Variants in FOXP2 observed in about 807,000 individuals in gnomAD.
FOXP2 encodes the protein forkhead box protein P2.
In FOXP2, 12 loss-of-function variants were observed where a neutral mutation model predicts 115.8. The observed-to-expected ratio is 0.10, with a 90% confidence interval of 0.07 to 0.17. The LOEUF (loss-of-function observed/expected upper bound fraction) is 0.17, where lower values mean the gene tolerates loss of function less well. Ranked by LOEUF, FOXP2 falls within the 10% of genes least tolerant of loss-of-function variation. The pLI is 1.00. For synonymous variants in FOXP2, 328 were observed against 297.7 expected (o/e 1.10, Z -1.05); for missense variants, 629 against 843.5 (o/e 0.75, Z 3.15).
At chr7:114,306,353 A>C (rs1022071255) in intron 2 of FOXP2, among the ~76,000 whole-genome samples, 1 of 152,270 alleles carries the variant, frequency 6.6e-6, no homozygotes, top group Non-Finnish European at 1.5e-5. Flanking sequence ...GTGCACACAC[A>C]GGATATTCAT....
intron 2 of FOXP2, among the ~76,000 whole-genome samples, chr7:114,491,568 TG>T (rs1797056042): frequency 6.6e-6 from 1 of 152,126 alleles, no homozygotes; most frequent in Admixed American, 6.6e-5. Flanking sequence ...GTTTTAGACA[TG>T]AAGTCCTTGC....
At chr7:114,140,317 G>A (rs764875672) in intron 1 of FOXP2, among the ~76,000 whole-genome samples, 27 of 151,984 alleles carry the variant, frequency 1.8e-4, no homozygotes, top group Non-Finnish European at 3.5e-4. Context: ...CCAAGTAGAG[G>A]TGATGCTAAT....
At chr7:114,459,881 T>C (rs765956235) in intron 2 of FOXP2, among the ~76,000 whole-genome samples, 1 of 152,114 alleles carries the variant, frequency 6.6e-6, no homozygotes, top group Non-Finnish European at 1.5e-5. Flanking sequence ...CTCCCAAAGT[T>C]CTGGGATTAC....
intron 1 of FOXP2, among the ~76,000 whole-genome samples, chr7:114,193,907 T>G (rs1056365666): frequency 5.3e-5 from 8 of 152,130 alleles, no homozygotes; most frequent in African/African-American, 1.7e-4. Flanking sequence ...CAAGTTTGCT[T>G]CAATACATAA....
intron 3 of FOXP2, among the ~76,000 whole-genome samples, chr7:114,555,057 C>T (rs1274921094): frequency 6.6e-6 from 1 of 152,154 alleles, no homozygotes; most frequent in Non-Finnish European, 1.5e-5. Flanking sequence ...AGAGAGGTTT[C>T]ACAAGTCAGA....
chr7:114,311,918 G>C (rs1023412264), intron 2 of FOXP2, among the ~76,000 whole-genome samples: 2 of 152,096 alleles, frequency 1.3e-5, no homozygotes, highest in Non-Finnish European at 2.9e-5. Context: ...ACATGCTGCT[G>C]TATTTCACAT....
chr7:114,473,067 G>T (rs573891685), intron 2 of FOXP2, among the ~76,000 whole-genome samples: 1 of 152,272 alleles, frequency 6.6e-6, no homozygotes, highest in East Asian at 1.9e-4. Context: ...GGATATCTAA[G>T]CTTGGAATGA....
At chr7:114,089,042 T>C (rs1011527273) in intron 1 of FOXP2, among the ~76,000 whole-genome samples, 4 of 152,164 alleles carry the variant, frequency 2.6e-5, no homozygotes, top group Admixed American at 2.6e-4. Context: ...TAGAGCTTTT[T>C]AAAGGCCCCT....
At chr7:114,604,860 C>T (rs1228117079) in intron 3 of FOXP2, among the ~76,000 whole-genome samples, 4 of 152,056 alleles carry the variant, frequency 2.6e-5, no homozygotes, top group South Asian at 2.1e-4. Flanking sequence ...CTGTAGTAAG[C>T]GTAGTGACCC....
At chr7:114,447,915 G>A (rs1045599337) in intron 2 of FOXP2, among the ~76,000 whole-genome samples, 3 of 152,098 alleles carry the variant, frequency 2.0e-5, no homozygotes, top group Non-Finnish European at 2.9e-5. Flanking sequence ...GCATCTGAGA[G>A]CTGGAATGAA....
chr7:114,172,979 T>A (rs1050637527), intron 1 of FOXP2, among the ~76,000 whole-genome samples: 34 of 152,190 alleles, frequency 2.2e-4, no homozygotes, highest in Middle Eastern at 6.8e-3. Flanking sequence ...TTTAATAACT[T>A]TTAATCACAG....
intron 16 of FOXP2, among the ~76,000 whole-genome samples, chr7:114,671,750 G>A (rs960311613): frequency 6.6e-6 from 1 of 152,162 alleles, no homozygotes; most frequent in Non-Finnish European, 1.5e-5. Flanking sequence ...GACTTGGGAA[G>A]TGGATATATG....
chr7:114,486,267 C>G (rs9690659), intron 2 of FOXP2, among the ~76,000 whole-genome samples: 1 of 151,950 alleles, frequency 6.6e-6, no homozygotes, highest in South Asian at 2.1e-4. Context: ...TGGTGGCAGG[C>G]AAGAGCACAT....
At chr7:114,451,074 A>C (rs1795053495) in intron 2 of FOXP2, among the ~76,000 whole-genome samples, 1 of 152,102 alleles carries the variant, frequency 6.6e-6, no homozygotes, top group Non-Finnish European at 1.5e-5. Flanking sequence ...TATAATCATC[A>C]ACTAATGTTT....
intron 3 of FOXP2, among the ~76,000 whole-genome samples, chr7:114,578,248 C>T (rs1584916616): frequency 6.6e-6 from 1 of 151,920 alleles, no homozygotes; most frequent in South Asian, 2.1e-4. Flanking sequence ...CTACTCTTTT[C>T]TCCTTTTATA....
At chr7:114,228,210 G>T (rs987644427) in intron 1 of FOXP2, among the ~76,000 whole-genome samples, 3 of 151,992 alleles carry the variant, frequency 2.0e-5, no homozygotes, top group African/African-American at 7.2e-5. Flanking sequence ...GACTAGACAA[G>T]AGTGTTCTTG....
At chr7:114,426,723 T>G (rs1793870328) in intron 2 of FOXP2, 44 bp downstream of exon 2, 1 of 1,590,516 alleles carries the variant, frequency 6.3e-7, no homozygotes. Context: ...CAAATAAGCT[T>G]GTTTTATTGA....
intron 1 of FOXP2, among the ~76,000 whole-genome samples, chr7:114,278,862 A>T (rs1796257239): frequency 6.6e-6 from 1 of 152,014 alleles, no homozygotes; most frequent in Admixed American, 6.6e-5. Flanking sequence ...TCAGAAGAAA[A>T]TCCAGTGCCT....
At chr7:114,163,765 A>C (rs1237546648) in intron 1 of FOXP2, among the ~76,000 whole-genome samples, 1 of 152,178 alleles carries the variant, frequency 6.6e-6, no homozygotes, top group Non-Finnish European at 1.5e-5. Context: ...CTTAGGAAGA[A>C]ATCTCTTGTT....
Sources: gnomAD v4.1 joint callset for allele counts (sites outside exome capture counted in the v4.1 genomes callset) on GRCh38, gnomAD v4.1.1 for gene constraint, MANE v1.5 for transcripts, NCBI Gene and HGNC (gene_info 2026-07-23, HGNC 2026-07-21) for gene names.